Variants in RANBP9 observed in about 807,000 individuals in gnomAD.
RANBP9 encodes the protein ran-binding protein 9.
A neutral mutation model predicts 84.3 loss-of-function variants in RANBP9; 15 were observed. The ratio of observed to expected loss-of-function variants is 0.18; its 90% confidence interval spans 0.12 to 0.27. The LOEUF (loss-of-function observed/expected upper bound fraction) is 0.27, where lower values mean the gene tolerates loss of function less well. Ranked by LOEUF, RANBP9 falls within the 10% of genes least tolerant of loss-of-function variation. The probability of loss-of-function intolerance (pLI) is 1.00; values close to 1 mark genes in which losing one functional copy is unlikely to be tolerated. For synonymous variants in RANBP9, 392 were observed against 349.6 expected (o/e 1.12, Z -1.35); for missense variants, 809 against 912.8 (o/e 0.89, Z 1.46).
At chr6:13,692,811 C>T (rs1316395771) in intron 2 of RANBP9, among the ~76,000 whole-genome samples, 2 of 152,068 alleles carry the variant, frequency 1.3e-5, no homozygotes, top group Admixed American at 1.3e-4. Context: ...CAAGATCGTG[C>T]CACTGCACTC....
At position 13,657,103 on chromosome 6, in the gene RANBP9, C is replaced by T. The variant is rs2127770355; in HGVS notation, c.904+6G>A. ...TTATTTTGCATGCAATATATTATCT[C>T]AGTACCTAAACTATGTCCATTCTTG... On this transcript the variant is annotated splice_donor_region_variant and intron_variant, in intron 4 of 13. Transcript: ENST00000011619. 6.3e-7 allele frequency: 1 copy of T among 1,598,426 alleles called. No individual in the cohort carries two copies. The highest frequency in any genetic ancestry group is 8.5e-7 in the Non-Finnish European group (1 of 1,170,876).
intron 13 of RANBP9, among the ~76,000 whole-genome samples, chr6:13,624,677 A>T (rs150024103): frequency 6.6e-6 from 1 of 152,248 alleles, no homozygotes; most frequent in South Asian, 2.1e-4. Flanking sequence ...CAAACGCTAC[A>T]GTGAGCTGCT....
At chr6:13,630,159 C>T (rs997373673) in intron 12 of RANBP9, among the ~76,000 whole-genome samples, 1 of 152,078 alleles carries the variant, frequency 6.6e-6, no homozygotes, top group African/African-American at 2.4e-5. Flanking sequence ...CACCTTATCC[C>T]TATCTAGATC....
At position 13,625,692 on chromosome 6, in the gene RANBP9, T is replaced by C. The variant is rs1156408618; in HGVS notation, c.2020A>G (p.Arg674Gly). 3.1e-6 allele frequency: 5 copies of C among 1,613,062 alleles called. No individual in the cohort carries two copies. The highest frequency in any genetic ancestry group is 4.2e-6 in the Non-Finnish European group (5 of 1,179,176). The change falls in exon 13 of 14, where the codon AGA (arginine) becomes GGA (glycine). Residue 674 changes from arginine (R) to glycine (G), a missense_variant. Physicochemically the swap from Arg to Gly is moderately radical, Grantham distance 125 (BLOSUM62 -2). Transcript: ENST00000011619. ...TTAAGAGCTGAGCACACAGGTTCTC[T>C]CTGAATCGGGTCAAGCTGATTTCCA... ...PVGNQLDPIQ[R>G]EPVCSALNSA...
chr6:13,631,103 C>T (rs549742141), intron 12 of RANBP9, among the ~76,000 whole-genome samples: 6 of 152,204 alleles, frequency 3.9e-5, no homozygotes, highest in South Asian at 2.1e-4. Flanking sequence ...CCACCGCGCC[C>T]GGCCTGATTT....
intron 2 of RANBP9, among the ~76,000 whole-genome samples, chr6:13,686,282 T>A (rs1006547290): frequency 1.3e-5 from 2 of 151,578 alleles, no homozygotes; most frequent in African/African-American, 4.8e-5. Flanking sequence ...TTTTATTATT[T>A]TTATTTATTT....
At chr6:13,651,266 C>T (rs1025094963) in intron 5 of RANBP9, among the ~76,000 whole-genome samples, 1 of 152,108 alleles carries the variant, frequency 6.6e-6, no homozygotes, top group South Asian at 2.1e-4. Context: ...AAATAAGATA[C>T]GTGGAATCAA....
rs1172292381 is a variant in RANBP9 at position 13,711,146 on chromosome 6, G to A, written c.360C>T (p.Thr120=). 1.1e-5 allele frequency: 16 copies of A among 1,519,556 alleles called. No individual in the cohort carries two copies. Among genetic ancestry groups the A allele is most frequent in the African/African-American group, 1.4e-5 (1 of 70,056 alleles). The allele number at this position is 1,519,556 out of a possible 1,614,324, so 94.1% of individuals were successfully genotyped here. The part of the protein sequence containing the change: ...AGPGPAGGAP[T]PALVAGSSAA... Reference sequence around the variant, plus strand: ...CGCTGCTGCCCGCCACCAGAGCTGGGGTCGGGGCTCCTCCAGCCGGGCCGG... The same window carrying A: ...CGCTGCTGCCCGCCACCAGAGCTGGAGTCGGGGCTCCTCCAGCCGGGCCGG... Residue 120 remains threonine, a synonymous_variant, in exon 1 of 14, where the codon ACC becomes ACT. Transcript: ENST00000011619.
At chr6:13,697,118 A>G (rs1757851930) in intron 1 of RANBP9, among the ~76,000 whole-genome samples, 1 of 152,240 alleles carries the variant, frequency 6.6e-6, no homozygotes, top group Non-Finnish European at 1.5e-5. Context: ...TTTTATTAAG[A>G]TTGCAGAATC....
intron 2 of RANBP9, among the ~76,000 whole-genome samples, chr6:13,670,471 T>C (rs530439562): frequency 6.6e-4 from 101 of 151,930 alleles, no homozygotes; most frequent in African/African-American, 2.4e-3. Flanking sequence ...CTCTTAGATA[T>C]GACATCAGAA....
At chr6:13,660,631 T>G (rs1041610440) in intron 2 of RANBP9, among the ~76,000 whole-genome samples, 2 of 152,150 alleles carry the variant, frequency 1.3e-5, no homozygotes, top group Non-Finnish European at 2.9e-5. Flanking sequence ...CAAAATTATT[T>G]CAAAGTTCAT....
At chr6:13,640,835 G>A (rs945696403) in intron 8 of RANBP9, among the ~76,000 whole-genome samples, 2 of 152,054 alleles carry the variant, frequency 1.3e-5, no homozygotes, top group African/African-American at 4.8e-5. Context: ...ACAATGATGT[G>A]AATGTAAAAA....
chr6:13,695,169 A>C (rs1299653586), intron 2 of RANBP9, among the ~76,000 whole-genome samples: 1 of 152,184 alleles, frequency 6.6e-6, no homozygotes, highest in African/African-American at 2.4e-5. Flanking sequence ...AGATATCTCA[A>C]AAAACGGGTA....
intron 4 of RANBP9, among the ~76,000 whole-genome samples, chr6:13,652,887 C>T (rs1486509423): frequency 6.6e-6 from 1 of 152,138 alleles, no homozygotes; most frequent in African/African-American, 2.4e-5. Flanking sequence ...AGATAATCAG[C>T]CTTGCTAGTC....
intron 1 of RANBP9, among the ~76,000 whole-genome samples, chr6:13,697,188 G>A (rs1190892468): frequency 6.6e-6 from 1 of 152,160 alleles, no homozygotes; most frequent in Non-Finnish European, 1.5e-5. Flanking sequence ...ACATTATAGA[G>A]TACACTATAT....
intron 5 of RANBP9, 41 bp downstream of exon 5, chr6:13,652,618 T>C: frequency 6.6e-7 from 1 of 1,520,494 alleles, no homozygotes; most frequent in Non-Finnish European, 9.1e-7. Context: ...TTATACTTCC[T>C]GTAATTAAAA....
Position 13,705,406 on chromosome 6 carries a change from C to CAAAAAA in RANBP9, c.571+5523_571+5528dup, listed in dbSNP as rs774239782. Reference sequence around the variant, plus strand: ...TGGGCGACAGAGCAAGATTCTGTCTCAAAAAAAAAAAAAAAAAAAAAAAAA... The same window carrying CAAAAAA: ...TGGGCGACAGAGCAAGATTCTGTCTCAAAAAAAAAAAAAAAAAAAAAAAAAAAAAAA... On this transcript the variant is annotated intron_variant, in intron 1 of 13. Transcript: ENST00000011619. 1.8e-3 allele frequency among the ~76,000 whole-genome samples: 49 copies of CAAAAAA among 26,762 alleles called. 3 individuals are homozygous for CAAAAAA. The highest frequency in any genetic ancestry group is 3.8e-3 in the African/African-American group (30 of 7,928). The allele number at this position is 26,762 out of a possible 152,430, so 17.6% of individuals were successfully genotyped here.
intron 2 of RANBP9, among the ~76,000 whole-genome samples, chr6:13,682,832 G>C (rs989653410): frequency 1.2e-4 from 19 of 152,102 alleles, no homozygotes; most frequent in African/African-American, 4.3e-4. Flanking sequence ...TAAAATGAGA[G>C]ACTTTAAAAC....
At chr6:13,641,888 A>G (rs541714591) in intron 7 of RANBP9, among the ~76,000 whole-genome samples, 15 of 152,306 alleles carry the variant, frequency 9.8e-5, no homozygotes, top group African/African-American at 3.6e-4. Flanking sequence ...GTTTTCACCC[A>G]TTAATTTCAC....
Sources: allele counts gnomAD v4.1 joint callset (sites outside exome capture counted in the v4.1 genomes callset), GRCh38; gene constraint gnomAD v4.1.1; transcripts MANE v1.5; gene names NCBI Gene and HGNC (gene_info 2026-07-23, HGNC 2026-07-21).